ULK4: variants seen among roughly 807,000 people sequenced by gnomAD.
The protein encoded by ULK4 is inactive serine/threonine-protein kinase ULK4.
In ULK4, 133 loss-of-function variants were observed where a neutral mutation model predicts 160.6. The observed-to-expected ratio is 0.83, with a 90% CI of 0.72 to 0.96. The LOEUF (loss-of-function observed/expected upper bound fraction) is 0.96. Among genes scored for constraint, ULK4 ranks in the 40% least tolerant of loss-of-function variants. The pLI, the probability that ULK4 is intolerant of heterozygous loss-of-function variation, is 0.00. For synonymous variants in ULK4, 534 were observed against 539.8 expected (o/e 0.99, Z 0.15); for missense variants, 1,580 against 1,499.5 (o/e 1.05, Z -0.89).
At chr3:41,259,735 T>A (rs542070207) in intron 35 of ULK4, 3 of 152,340 alleles carry the variant, frequency 2.0e-5, no homozygotes, top group Admixed American at 2.0e-4. Flanking sequence ...GAGTAAGGTA[T>A]GGGCATGCTG....
intron 34 of ULK4, among the ~76,000 whole-genome samples, chr3:41,451,413 C>T (rs930924544): frequency 3.3e-5 from 5 of 151,444 alleles, no homozygotes; most frequent in Admixed American, 2.6e-4. Context: ...ACTATTCCAA[C>T]AAATCATAGC....
intron 21 of ULK4, among the ~76,000 whole-genome samples, chr3:41,783,720 C>A (rs528182114): frequency 2.0e-5 from 3 of 152,128 alleles, no homozygotes; most frequent in African/African-American, 7.2e-5. Context: ...TGTCACTATA[C>A]AGTCTGATAA....
chr3:41,625,032 G>A (rs759087551), intron 30 of ULK4, among the ~76,000 whole-genome samples: 11 of 151,978 alleles, frequency 7.2e-5, no homozygotes, highest in Non-Finnish European at 1.3e-4. Context: ...TTCAACTGAC[G>A]GATGTTAAAG....
chr3:41,842,910 G>A (rs546657306), intron 17 of ULK4, among the ~76,000 whole-genome samples: 2 of 152,270 alleles, frequency 1.3e-5, no homozygotes, highest in African/African-American at 4.8e-5. Context: ...AGGTGCAAAG[G>A]CAGTCCAATG....
In ULK4 at chr3:41,297,165, T is replaced by C. The variant is rs574236619; in HGVS notation, c.3679-47591A>G. ...TGAGGGGCCCAATTTCTCTCCCTCCTGCTGCCTCCGTGAGCGCCTGCTGTG... is the reference window on the plus strand; with the variant it reads ...TGAGGGGCCCAATTTCTCTCCCTCCCGCTGCCTCCGTGAGCGCCTGCTGTG... On this transcript the variant is annotated intron_variant, in intron 35 of 36. Coordinates refer to ENST00000301831, the MANE Select transcript of ULK4 (RefSeq NM_017886.4). Among the ~76,000 whole-genome samples the C allele has an allele frequency of 5.3e-5, 8 of 152,354 alleles. 1 individual carries two copies. The highest frequency in any genetic ancestry group is 1.7e-4 in the African/African-American group (7 of 41,584).
At chr3:41,799,845 AGAGG>A (rs1402220668) in intron 20 of ULK4, among the ~76,000 whole-genome samples, 1 of 152,192 alleles carries the variant, frequency 6.6e-6, no homozygotes, top group Non-Finnish European at 1.5e-5. Flanking sequence ...CCTGGATGAC[AGAGG>A]GACACTCTGT....
chr3:41,551,943 A>G (rs10865908), intron 32 of ULK4, among the ~76,000 whole-genome samples: 77,152 of 151,440 alleles, frequency 0.51, 19,720 homozygotes, highest in Middle Eastern at 0.57. Flanking sequence ...TTCCAGGGAC[A>G]CAAGGATGGT....
intron 35 of ULK4, among the ~76,000 whole-genome samples, chr3:41,348,609 T>C (rs951319069): frequency 6.6e-6 from 1 of 151,786 alleles, no homozygotes; most frequent in African/African-American, 2.4e-5. Context: ...CCAAAAGAGA[T>C]AAATATAACT....
chr3:41,817,029 G>A (rs62258619), intron 19 of ULK4, among the ~76,000 whole-genome samples: 1 of 152,046 alleles, frequency 6.6e-6, no homozygotes, highest in Non-Finnish European at 1.5e-5. Flanking sequence ...CAGAGCAGGG[G>A]AGAGAAGACA....
intron 17 of ULK4, among the ~76,000 whole-genome samples, chr3:41,844,733 C>CA: frequency 6.7e-6 from 1 of 148,762 alleles, no homozygotes; most frequent in Non-Finnish European, 1.5e-5. Flanking sequence ...CCTCTCAATA[C>CA]GTTGCTGGTG....
intron 32 of ULK4, among the ~76,000 whole-genome samples, chr3:41,560,185 T>G (rs2125592399): frequency 6.6e-6 from 1 of 152,234 alleles, no homozygotes; most frequent in African/African-American, 2.4e-5. Context: ...ATGAGTGGTG[T>G]TATTTCTGAG....
intron 22 of ULK4, among the ~76,000 whole-genome samples, chr3:41,742,498 G>A (rs1052415616): frequency 1.3e-5 from 2 of 151,896 alleles, no homozygotes; most frequent in Non-Finnish European, 2.9e-5. Context: ...CCTCCACTCA[G>A]CAACATTAAG....
intron 22 of ULK4, among the ~76,000 whole-genome samples, chr3:41,719,273 TA>T (rs2037372717): frequency 6.6e-6 from 1 of 152,220 alleles, no homozygotes; most frequent in East Asian, 1.9e-4. Flanking sequence ...AACTATCCTC[TA>T]ACTGTTTAAC....
chr3:41,722,239 C>T (rs576667438), intron 22 of ULK4, among the ~76,000 whole-genome samples: 1 of 152,282 alleles, frequency 6.6e-6, no homozygotes, highest in South Asian at 2.1e-4. Flanking sequence ...AAGGCTAACA[C>T]TCTGTTTTTC....
chr3:41,660,333 T>A (rs2035107281), intron 30 of ULK4, among the ~76,000 whole-genome samples: 1 of 152,046 alleles, frequency 6.6e-6, no homozygotes, highest in Non-Finnish European at 1.5e-5. Context: ...AAATATTTAT[T>A]CACATTAGCT....
chr3:41,470,018 G>GAAAAAAAAAAA lies in ULK4; in HGVS notation c.3227-6776_3227-6766dup, dbSNP rs71094650. Among the ~76,000 whole-genome samples, 49 of 45,974 alleles carry GAAAAAAAAAAA rather than the reference G, an allele frequency of 1.1e-3. 1 individual carries two copies. Among genetic ancestry groups the GAAAAAAAAAAA allele is most frequent in the Admixed American group, 1.5e-3 (4 of 2,722 alleles). The allele number at this position is 45,974 out of a possible 152,430, so 30.2% of individuals were successfully genotyped here. A position where few individuals can be genotyped will look rare whatever the true frequency, so the allele number is the denominator to read the frequency against. On this transcript the variant is annotated intron_variant, in intron 32 of 36. Coordinates refer to ENST00000301831, the MANE Select transcript of ULK4 (RefSeq NM_017886.4). ...GAGGAATTCAAGAAGAAACAGAACA[G>GAAAAAAAAAAA]AAAAAAAAAAAAAAAAAAAAAAAAA...
intron 21 of ULK4, among the ~76,000 whole-genome samples, chr3:41,762,815 A>C (rs897527908): frequency 6.6e-6 from 1 of 151,820 alleles, no homozygotes; most frequent in African/African-American, 2.4e-5. Flanking sequence ...GGTGCCCACA[A>C]CCATATCCCA....
intron 35 of ULK4, among the ~76,000 whole-genome samples, chr3:41,256,835 T>C (rs974260840): frequency 2.6e-5 from 4 of 152,222 alleles, no homozygotes; most frequent in African/African-American, 9.6e-5. Flanking sequence ...AAAGGACTTA[T>C]ATCAAGAACA....
chr3:41,819,406 C>G lies in ULK4; in HGVS notation c.1848+17G>C. 6.2e-7 allele frequency: 1 copy of G among 1,611,548 alleles called. No individual in the cohort carries two copies. Among genetic ancestry groups the G allele is most frequent in the Non-Finnish European group, 8.5e-7 (1 of 1,179,062 alleles). On this transcript the variant is annotated intron_variant, in intron 19 of 36. Coordinates refer to ENST00000301831, the MANE Select transcript of ULK4 (RefSeq NM_017886.4). ...TACAATTGCCAGCATCTACAGAGGA[C>G]AACAAAGGAGCCTTACCCCTTCCCG... is the stretch of plus-strand genomic sequence containing the variant.
Sources: allele counts gnomAD v4.1 joint callset (sites outside exome capture counted in the v4.1 genomes callset), GRCh38; gene constraint gnomAD v4.1.1; transcripts MANE v1.5; gene names NCBI Gene and HGNC (gene_info 2026-07-23, HGNC 2026-07-21).